Variants in SLC9A1 observed in about 807,000 individuals in gnomAD.
SLC9A1 encodes the protein solute carrier family 9 member A1.
In SLC9A1, 22 loss-of-function variants were observed where a neutral mutation model predicts 67.9. The ratio of observed to expected loss-of-function variants is 0.32; its 90% confidence interval spans 0.23 to 0.46. The LOEUF (loss-of-function observed/expected upper bound fraction) is 0.46. SLC9A1 is among the 20% of genes least tolerant of loss of function. SLC9A1 has a pLI of 1.00. For synonymous variants in SLC9A1, 421 were observed against 471.8 expected, an observed-to-expected ratio of 0.89 and a Z score of 1.40; for missense variants, 686 against 1,094.8, an observed-to-expected ratio of 0.63 and a Z score of 5.27.
In SLC9A1 at chr1:27,153,238, G is replaced by T. The variant is rs141904169; in HGVS notation, c.352+745C>A. On this transcript the variant is annotated intron_variant, in intron 1 of 11. Transcript: ENST00000263980. ...GAGACACAGCCAGGCAGCGACCTGGGGGTGAGCTGGGGTCAGACCAAGCCT... is the reference window on the plus strand; with the variant it reads ...GAGACACAGCCAGGCAGCGACCTGGTGGTGAGCTGGGGTCAGACCAAGCCT... Among the ~76,000 whole-genome samples the T allele has an allele frequency of 3.4e-3, 521 of 152,156 alleles. 1 individual carries two copies. Among genetic ancestry groups the T allele is most frequent in the African/African-American group, 0.012 (493 of 41,510 alleles).
rs1020750545 is a variant in SLC9A1 at position 27,109,094 on chromosome 1, G to A, written c.1064+433C>T. ...ATTTCCAGACCCGGTGGAGACCTCA[G>A]GACCGCCAGGACTCAGGCCTGGTGA... On this transcript the variant is annotated intron_variant, in intron 3 of 11. Transcript: ENST00000263980. This position sits in a 1 kb window ranked among gnomAD's most constrained non-coding sequence, Gnocchi z 5.5. Among the ~76,000 whole-genome samples the A allele has an allele frequency of 1.3e-5, 2 of 152,124 alleles. No individual in the cohort carries two copies. Among genetic ancestry groups the A allele is most frequent in the Non-Finnish European group, 2.9e-5 (2 of 68,014 alleles).
At chr1:27,136,680 A>C in intron 1 of SLC9A1, among the ~76,000 whole-genome samples, 1 of 149,492 alleles carries the variant, frequency 6.7e-6, no homozygotes, top group Non-Finnish European at 1.5e-5. Flanking sequence ...CATCCTCTCC[A>C]CTCTCCCCTC....
chr1:27,102,703 C>T lies in SLC9A1; in HGVS notation c.1616G>A (p.Gly539Asp). 1 of 1,613,856 alleles carries T rather than the reference C, an allele frequency of 6.2e-7. No homozygotes were observed. ...HLLTGIEDIC[G>D]HYGHHHWKDK... ...CTTCCAGTGGTGGTGACCGTAGTGGCCACAGATGTCTTCGATGCCTGTCAG... is the reference window on the plus strand; with the variant it reads ...CTTCCAGTGGTGGTGACCGTAGTGGTCACAGATGTCTTCGATGCCTGTCAG... Residue 539 changes from glycine to aspartate, a missense_variant, in exon 7 of 12, where the codon GGC (glycine) becomes GAC (aspartate). Gly to Asp is a moderately conservative substitution (Grantham distance 94, BLOSUM62 -1). Coordinates refer to ENST00000263980, the MANE Select transcript of SLC9A1 (RefSeq NM_003047.5).
chr1:27,111,911 T>C (rs2083230954), intron 2 of SLC9A1, among the ~76,000 whole-genome samples: 1 of 152,180 alleles, frequency 6.6e-6, no homozygotes, highest in South Asian at 2.1e-4. Context: ...TTGGGAGACA[T>C]GACCATGGGT....
Position 27,155,101 on chromosome 1 carries a change from G to A in SLC9A1, c.-767C>T, listed in dbSNP as rs1360891139. On this transcript the variant is annotated 5_prime_UTR_variant, in exon 1 of 12. Coordinates refer to ENST00000263980, the MANE Select transcript of SLC9A1 (RefSeq NM_003047.5). This position sits in a 1 kb window ranked among gnomAD's most constrained non-coding sequence, Gnocchi z 4.5. ...TGGTCCAGCTCCAGAACTAACCCTA[G>A]CCCCGGCCCCGGCGGCAGCAGACTG... Among the ~76,000 whole-genome samples, 3 of 152,160 alleles carry A rather than the reference G, an allele frequency of 2.0e-5. No individual in the cohort carries two copies. Among genetic ancestry groups the A allele is most frequent in the South Asian group, 4.1e-4 (2 of 4,820 alleles).
intron 5 of SLC9A1, 181 bp downstream of exon 5, chr1:27,105,704 A>C (rs1170825298): frequency 5.6e-6 from 4 of 718,526 alleles, no homozygotes; most frequent in South Asian, 1.5e-5. Context: ...CACAATTCTC[A>C]CTTTACGATT....
At chr1:27,149,099 A>C (rs902618929) in intron 1 of SLC9A1, among the ~76,000 whole-genome samples, 1 of 152,140 alleles carries the variant, frequency 6.6e-6, no homozygotes, top group Non-Finnish European at 1.5e-5. Context: ...GACACAGAAC[A>C]CCTACAGCTT....
At position 27,101,050 on chromosome 1, in the gene SLC9A1, C is replaced by A. The variant is rs879422526; in HGVS notation, c.2110+153G>T. ...CTCTCTCCCTAGGGATGGCCCCTGA[C>A]GTAGAAGCAGCTCATGGCTTGGGAG... On this transcript the variant is annotated intron_variant, in intron 11 of 11. Coordinates refer to ENST00000263980, the MANE Select transcript of SLC9A1 (RefSeq NM_003047.5). The surrounding 1 kb of genome is among the most constrained non-coding windows in gnomAD (Gnocchi z 4.9). Among the ~76,000 whole-genome samples the A allele has an allele frequency of 1.3e-5, 2 of 152,216 alleles. No homozygotes were observed. The highest frequency in any genetic ancestry group is 4.8e-5 in the African/African-American group (2 of 41,460).
chr1:27,148,703 C>T (rs1372000924), intron 1 of SLC9A1, among the ~76,000 whole-genome samples: 1 of 152,100 alleles, frequency 6.6e-6, no homozygotes, highest in African/African-American at 2.4e-5. Flanking sequence ...GCTTTGGAAA[C>T]AAATTTCAGT....
Position 27,100,477 on chromosome 1 carries a change from CA to C in SLC9A1, c.2277del (p.Asp759GlufsTer5), listed in dbSNP as rs1312164991. On this transcript the variant is annotated frameshift_variant, in exon 12 of 12. Transcript: ENST00000263980. LOFTEE classifies it high-confidence loss of function. This position sits in a 1 kb window ranked among gnomAD's most constrained non-coding sequence, Gnocchi z 5.6. ...AKVAEEDEDD[D>X]GGIMMRSKET... is the part of the protein sequence containing the mutation. ...TCCTTGCTCCGCATCATGATGCCCC[CA>C]TCGTCGTCCTCGTCCTCCTCAGCCA... 1 of 1,614,106 alleles carries C rather than the reference CA, an allele frequency of 6.2e-7. No individual in the cohort carries two copies. The highest frequency in any genetic ancestry group is 1.1e-5 in the South Asian group (1 of 91,090).
chr1:27,129,712 C>T (rs2083371975), intron 1 of SLC9A1, among the ~76,000 whole-genome samples: 1 of 152,216 alleles, frequency 6.6e-6, no homozygotes, highest in South Asian at 2.1e-4. Flanking sequence ...GGCACACACA[C>T]CCAGGATGGT....
Position 27,113,814 on chromosome 1 carries a change from T to C in SLC9A1, c.813+12A>G. ...ACCGTTTGGACATGGGCATGGCCCC[T>C]GGCCTCCTCACCACAGTGACGGCGT... On this transcript the variant is annotated intron_variant, in intron 2 of 11. Coordinates refer to ENST00000263980, the MANE Select transcript of SLC9A1 (RefSeq NM_003047.5). The C allele has an allele frequency of 6.2e-7, 1 of 1,602,126 alleles. No homozygotes were observed.
chr1:27,122,799 A>G (rs879880687), intron 1 of SLC9A1, among the ~76,000 whole-genome samples: 8 of 152,216 alleles, frequency 5.3e-5, no homozygotes, highest in Non-Finnish European at 1.0e-4. Context: ...CTCCCCCTGC[A>G]GGAAAGGCAC....
chr1:27,116,783 C>A (rs1331286227), intron 1 of SLC9A1, among the ~76,000 whole-genome samples: 1 of 152,132 alleles, frequency 6.6e-6, no homozygotes, highest in Non-Finnish European at 1.5e-5. Flanking sequence ...TCTGCTCTTG[C>A]CTCATGTCCC....
Position 27,137,820 on chromosome 1 carries a change from T to G in SLC9A1, c.352+16163A>C, listed in dbSNP as rs893026369. Among the ~76,000 whole-genome samples, 4 of 152,172 alleles carry G rather than the reference T, an allele frequency of 2.6e-5. No individual in the cohort carries two copies. Among genetic ancestry groups the G allele is most frequent in the Admixed American group, 2.6e-4 (4 of 15,280 alleles). On this transcript the variant is annotated intron_variant, in intron 1 of 11. Transcript: ENST00000263980. The surrounding 1 kb of genome is among the most constrained non-coding windows in gnomAD (Gnocchi z 4.6). The stretch of plus-strand genomic sequence containing the variant: ...CCAGCAGGAGTCCAGCAGAGCCTGG[T>G]GCCCACTCAGCCCCTCCCTCCCCAA...
At chr1:27,142,198 G>A (rs1173690345) in intron 1 of SLC9A1, among the ~76,000 whole-genome samples, 1 of 152,182 alleles carries the variant, frequency 6.6e-6, no homozygotes, top group African/African-American at 2.4e-5. Context: ...CCTCCTCTCG[G>A]TCCACTGTCC....
intron 1 of SLC9A1, among the ~76,000 whole-genome samples, chr1:27,151,639 C>T (rs549087413): frequency 2.0e-5 from 3 of 152,328 alleles, no homozygotes; most frequent in African/African-American, 4.8e-5. Flanking sequence ...GCTGGGATTA[C>T]AGGCGTGAGC....
At position 27,102,126 on chromosome 1, in the gene SLC9A1, T is replaced by A; in HGVS notation, c.1825A>T (p.Ile609Phe). 6.2e-7 allele frequency: 1 copy of A among 1,612,230 alleles called. No individual in the cohort carries two copies. Among genetic ancestry groups the A allele is most frequent in the Non-Finnish European group, 8.5e-7 (1 of 1,178,378 alleles). The change falls in exon 9 of 12, where the codon ATC (isoleucine) becomes TTC (phenylalanine). Residue 609 changes from isoleucine to phenylalanine, a missense_variant. Ile to Phe is a conservative substitution (Grantham distance 21). Coordinates refer to ENST00000263980, the MANE Select transcript of SLC9A1 (RefSeq NM_003047.5). Reference sequence around the variant, plus strand: ...TCGGAAGGCAGGGACTTGGGGTGGATGTTCCTGGGGCAATAGGGCATCGGT... The same window carrying A: ...TCGGAAGGCAGGGACTTGGGGTGGAAGTTCCTGGGGCAATAGGGCATCGGT... ...SAVSTVSMQN[I>F]HPKSLPSERI... is the part of the protein sequence containing the mutation.
intron 1 of SLC9A1, among the ~76,000 whole-genome samples, chr1:27,133,445 T>G (rs973968969): frequency 6.6e-6 from 1 of 152,104 alleles, no homozygotes; most frequent in African/African-American, 2.4e-5. Context: ...TTCCTGAAGC[T>G]GAGGAGACCC....
Sources: gnomAD v4.1 joint callset for allele counts (sites outside exome capture counted in the v4.1 genomes callset) on GRCh38, gnomAD v4.1.1 for gene constraint, Gnocchi (gnomAD v3.1) non-coding constraint, MANE v1.5 for transcripts, NCBI Gene and HGNC (gene_info 2026-07-23, HGNC 2026-07-21) for gene names.